OLFML2B: variants seen among roughly 807,000 people sequenced by gnomAD.
OLFML2B encodes the protein olfactomedin-like protein 2B.
Under a neutral mutation model 74.9 loss-of-function variants are expected in OLFML2B, and 57 were observed. The ratio of observed to expected loss-of-function variants is 0.76; its 90% CI spans 0.61 to 0.95. OLFML2B has a LOEUF of 0.95. Ranked by LOEUF, OLFML2B falls within the 40% of genes least tolerant of loss-of-function variation. The probability of loss-of-function intolerance (pLI) is 0.00; values close to 1 mark genes in which losing one functional copy is unlikely to be tolerated. For synonymous variants in OLFML2B, 388 were observed against 405.8 expected (o/e 0.96, Z 0.53); for missense variants, 986 against 970.6 (o/e 1.02, Z -0.21).
intron 6 of OLFML2B, among the ~76,000 whole-genome samples, chr1:161,986,661 G>A (rs1304953013): frequency 1.3e-5 from 2 of 152,232 alleles, no homozygotes; most frequent in Non-Finnish European, 2.9e-5. Context: ...AGCCCTGGCA[G>A]CAGAGATTTG....
At chr1:161,991,564 A>G (rs2101950149) in intron 6 of OLFML2B, among the ~76,000 whole-genome samples, 1 of 152,248 alleles carries the variant, frequency 6.6e-6, no homozygotes, top group East Asian at 1.9e-4. Flanking sequence ...GTGAAACTCC[A>G]TCTCTACTAA....
At chr1:162,011,373 G>A (rs760920829) in intron 3 of OLFML2B, among the ~76,000 whole-genome samples, 7 of 152,164 alleles carry the variant, frequency 4.6e-5, no homozygotes, top group African/African-American at 7.2e-5. Flanking sequence ...GGGAGGGCTC[G>A]TAGTTCCCAT....
chr1:161,999,065 G>A (rs1690010682), intron 5 of OLFML2B, among the ~76,000 whole-genome samples: 1 of 152,212 alleles, frequency 6.6e-6, no homozygotes, highest in Admixed American at 6.5e-5. Flanking sequence ...TCACAGTGAG[G>A]ACAGGCGCTG....
Position 161,983,930 on chromosome 1 carries a change from C to G in OLFML2B, c.1998G>C (p.Thr666=). ...TGCCGTAGAAATTCCTCCGGAGCCC[C>G]GTGCGCCATGTGGTCTCCTTCTGTG... ...LSTQKETTWR[T]GLRRNFYGNC... The change falls in exon 8 of 8, where the codon ACG becomes ACC. Residue 666 remains threonine, a synonymous_variant. Transcript: ENST00000294794. The G allele has an allele frequency of 1.2e-6, 2 of 1,614,226 alleles. No homozygotes were observed. The highest frequency in any genetic ancestry group is 1.7e-6 in the Non-Finnish European group (2 of 1,180,044).
chr1:161,997,963 C>T lies in OLFML2B; in HGVS notation c.1336G>A (p.Ala446Thr). The T allele has an allele frequency of 6.2e-7, 1 of 1,614,252 alleles. No homozygotes were observed. Among genetic ancestry groups the T allele is most frequent in the Non-Finnish European group, 8.5e-7 (1 of 1,180,052 alleles). Residue 446 changes from alanine (A) to threonine (T), a missense_variant, in exon 6 of 8, where the codon GCT (alanine) becomes ACT (threonine). Transcript: ENST00000294794. ...GGAGGCACTGGGACTGTGTGCATAGCTTCCATCAATGCCTCCCTGGGAGAC... is the reference window on the plus strand; with the variant it reads ...GGAGGCACTGGGACTGTGTGCATAGTTTCCATCAATGCCTCCCTGGGAGAC... ...AVSPREALME[A>T]MHTVPVPPTT...
chr1:161,983,746 G>A lies in OLFML2B; in HGVS notation c.2182C>T (p.Pro728Ser). 6.2e-7 allele frequency: 1 copy of A among 1,613,990 alleles called. No individual in the cohort carries two copies. The highest frequency in any genetic ancestry group is 8.5e-7 in the Non-Finnish European group (1 of 1,179,994). ...CAGGCATAGAGCAGGCGGTCCTTGG[G>A]GTTGTAGTCTATCTGGGTCGTATAG... ...YSYTTQIDYN[P>S]KDRLLYAWDN... is the part of the protein sequence containing the mutation. The change falls in exon 8 of 8, where the codon CCC (proline) becomes TCC (serine). Residue 728 changes from proline (P) to serine (S), a missense_variant. Physicochemically the swap from Pro to Ser is moderately conservative, Grantham distance 74 (BLOSUM62 -1). Coordinates refer to ENST00000294794, the MANE Select transcript of OLFML2B (RefSeq NM_015441.3).
At chr1:161,988,382 G>C (rs1208752591) in intron 6 of OLFML2B, among the ~76,000 whole-genome samples, 1 of 152,110 alleles carries the variant, frequency 6.6e-6, no homozygotes, top group East Asian at 1.9e-4. Context: ...TGCTTACTTG[G>C]CAAGCTTCCC....
At chr1:162,012,382 G>C (rs1690415367) in intron 3 of OLFML2B, among the ~76,000 whole-genome samples, 1 of 152,244 alleles carries the variant, frequency 6.6e-6, no homozygotes, top group Non-Finnish European at 1.5e-5. Context: ...CTTTGATCAT[G>C]CCTTTCAGTC....
At chr1:161,984,759 G>A (rs372455307) in intron 7 of OLFML2B, 45 bp downstream of exon 7, 10 of 1,584,984 alleles carry the variant, frequency 6.3e-6, no homozygotes, top group Middle Eastern at 3.4e-4. Context: ...AACAGAGGAC[G>A]TGGGGAAGGG....
chr1:161,992,620 A>T (rs1456199014), intron 6 of OLFML2B, among the ~76,000 whole-genome samples: 4 of 152,198 alleles, frequency 2.6e-5, no homozygotes, highest in Admixed American at 1.3e-4. Flanking sequence ...AGGCCATTGT[A>T]GGGTTATTAA....
In OLFML2B at chr1:162,000,146, C is replaced by T; in HGVS notation, c.916G>A (p.Val306Ile). Residue 306 changes from valine to isoleucine, a missense_variant, in exon 5 of 8, where the codon GTC (valine) becomes ATC (isoleucine). By Grantham distance (29) the Val-to-Ile change is conservative (BLOSUM62 3). Transcript: ENST00000294794. ...TCAATGTCATTCTCTTCTTCAGAGA[C>T]CTTGGCTTTATAGTAGGTGATGCCC... is the stretch of plus-strand genomic sequence containing the variant. ...IRGITYYKAKVSEEENDIEEQ... is the reference protein window; with the variant it reads ...IRGITYYKAKISEEENDIEEQ... 1 of 1,608,456 alleles carries T rather than the reference C, an allele frequency of 6.2e-7. No homozygotes were observed. The highest frequency in any genetic ancestry group is 2.2e-5 in the East Asian group (1 of 44,758).
intron 2 of OLFML2B, among the ~76,000 whole-genome samples, chr1:162,018,235 G>A (rs188993157): frequency 8.5e-5 from 13 of 152,230 alleles, no homozygotes; most frequent in South Asian, 2.1e-4. Context: ...CTCCCATGAC[G>A]TGAGTTTACC....
intron 4 of OLFML2B, among the ~76,000 whole-genome samples, chr1:162,002,281 G>C (rs1027874226): frequency 2.6e-5 from 4 of 152,160 alleles, no homozygotes; most frequent in Admixed American, 1.3e-4. Context: ...ATGAAGAGGC[G>C]GCTTCCTGCA....
intron 6 of OLFML2B, among the ~76,000 whole-genome samples, chr1:161,992,310 G>A (rs556493511): frequency 6.6e-6 from 1 of 152,180 alleles, no homozygotes; most frequent in Non-Finnish European, 1.5e-5. Context: ...TCTGGATTAG[G>A]GAATTTTGCT....
At chr1:161,996,561 A>T (rs1008285744) in intron 6 of OLFML2B, among the ~76,000 whole-genome samples, 30 of 152,246 alleles carry the variant, frequency 2.0e-4, no homozygotes, top group Admixed American at 1.2e-3. Flanking sequence ...CTTCTGTCAA[A>T]TCAAGTGTAT....
At chr1:161,993,375 C>T (rs1480634175) in intron 6 of OLFML2B, among the ~76,000 whole-genome samples, 1 of 152,082 alleles carries the variant, frequency 6.6e-6, no homozygotes, top group Non-Finnish European at 1.5e-5. Context: ...CTGTGCCCCC[C>T]AGTGCTCACC....
chr1:161,985,733 G>C (rs889184580), intron 6 of OLFML2B, among the ~76,000 whole-genome samples: 2 of 152,180 alleles, frequency 1.3e-5, no homozygotes, highest in African/African-American at 4.8e-5. Flanking sequence ...TCACTACTGG[G>C]AGCAGGATGC....
At chr1:162,003,098 C>A (rs1184939175) in intron 4 of OLFML2B, among the ~76,000 whole-genome samples, 1 of 152,208 alleles carries the variant, frequency 6.6e-6, no homozygotes, top group Non-Finnish European at 1.5e-5. Context: ...AGGCTGCCTG[C>A]CCTCAGAGCC....
intron 3 of OLFML2B, among the ~76,000 whole-genome samples, chr1:162,016,263 T>C (rs1192226630): frequency 1.3e-5 from 2 of 152,280 alleles, no homozygotes; most frequent in South Asian, 2.1e-4. Flanking sequence ...TCAGCAATCA[T>C]ATGGAGTAGG....
Sources: gnomAD v4.1 joint callset for allele counts (sites outside exome capture counted in the v4.1 genomes callset) on GRCh38, gnomAD v4.1.1 for gene constraint, MANE v1.5 for transcripts, NCBI Gene and HGNC (gene_info 2026-07-23, HGNC 2026-07-21) for gene names.